ANKRD26: variants seen among roughly 807,000 people sequenced by gnomAD.
The protein encoded by ANKRD26 is ankyrin repeat domain-containing protein 26.
A neutral mutation model predicts 208.7 loss-of-function variants in ANKRD26; 141 were observed. The observed-to-expected ratio is 0.68, with a 90% confidence interval of 0.59 to 0.78. The LOEUF is 0.78. ANKRD26 is among the 30% of genes least tolerant of loss of function. The pLI, the probability that ANKRD26 is intolerant of heterozygous loss-of-function variation, is 0.00. For synonymous variants in ANKRD26, 636 were observed against 660.4 expected, an observed-to-expected ratio of 0.96 and a Z score of 0.57; for missense variants, 1,889 against 1,938.7, an observed-to-expected ratio of 0.97 and a Z score of 0.48.
At chr10:27,072,604 C>T in intron 9 of ANKRD26, among the ~76,000 whole-genome samples, 1 of 152,184 alleles carries the variant, frequency 6.6e-6, no homozygotes, top group East Asian at 1.9e-4. Flanking sequence ...GCAATCAAAT[C>T]CCACCACTAC....
chr10:27,045,515 T>A (rs2135308178), intron 18 of ANKRD26, among the ~76,000 whole-genome samples: 1 of 152,254 alleles, frequency 6.6e-6, no homozygotes, highest in East Asian at 1.9e-4. Flanking sequence ...TAGAACTTTA[T>A]AATCTAAAAG....
At chr10:26,992,304 G>T (rs1040692063) in intron 5 of ANKRD26, among the ~76,000 whole-genome samples, 3 of 151,920 alleles carry the variant, frequency 2.0e-5, no homozygotes, top group Admixed American at 6.6e-5. Flanking sequence ...GAATTTTAGA[G>T]GTAAATAAGT....
At chr10:26,998,776 G>A (rs2052653195) in intron 4 of ANKRD26, among the ~76,000 whole-genome samples, 3 of 152,164 alleles carry the variant, frequency 2.0e-5, no homozygotes, top group Non-Finnish European at 2.9e-5. Flanking sequence ...GGGTGCCATT[G>A]GGGCTGTCAG....
chr10:27,067,245 A>C lies in ANKRD26; in HGVS notation c.1119T>G (p.Gly373=). The change falls in exon 10 of 34, where the codon GGT becomes GGG. Residue 373 remains glycine, a synonymous_variant. Coordinates refer to ENST00000376087, the MANE Select transcript of ANKRD26 (RefSeq NM_014915.3). The part of the protein sequence containing the change: ...TKPGIAKKEN[G]IDIIESAPLE... ...GTGGAGCACTTTCAATAATATCAAT[A>C]CCATTTTCTTTTTTTGCAATGCCTG... 6.2e-7 allele frequency: 1 copy of C among 1,613,878 alleles called. No individual in the cohort carries two copies. The highest frequency in any genetic ancestry group is 8.5e-7 in the Non-Finnish European group (1 of 1,179,968).
the ANKRD26 span, among the ~76,000 whole-genome samples, chr10:26,956,078 A>G: frequency 6.6e-6 from 1 of 152,220 alleles, no homozygotes; most frequent in Non-Finnish European, 1.5e-5. Context: ...TCACACTTTG[A>G]TACTTACTCA....
At chr10:26,952,108 A>G in the ANKRD26 span, among the ~76,000 whole-genome samples, 1 of 152,164 alleles carries the variant, frequency 6.6e-6, no homozygotes, top group South Asian at 2.1e-4. Context: ...CCAGGAGCCA[A>G]TGAAATTATT....
chr10:27,024,523 C>A lies in ANKRD26; in HGVS notation c.4009G>T (p.Glu1337Ter), dbSNP rs1041303008. The change falls in exon 28 of 34, where the codon GAA becomes TAA. Residue 1337 changes from glutamate to a stop codon, truncating the protein, a stop_gained. Coordinates refer to ENST00000376087, the MANE Select transcript of ANKRD26 (RefSeq NM_014915.3). LOFTEE classifies it high-confidence loss of function. The stretch of plus-strand genomic sequence containing the variant: ...TTACATTCCAGTGACTGTTTTAATT[C>A]CATAAGTTTCTTTAATTGTTCCTTT... ...DEKEQLKKLM[E>*]LKQSLECNLD... is the part of the protein sequence containing the mutation. 5 of 1,583,094 alleles carry A rather than the reference C, an allele frequency of 3.2e-6. No individual in the cohort carries two copies. Among genetic ancestry groups the A allele is most frequent in the Non-Finnish European group, 4.3e-6 (5 of 1,154,684 alleles).
At chr10:27,062,083 T>C (rs2135455429) in intron 12 of ANKRD26, 1 of 985,268 alleles carries the variant, frequency 1.0e-6, no homozygotes, top group African/African-American at 1.7e-5. Context: ...TCTTTCTTTC[T>C]TCTCTTTCCC....
In ANKRD26 at chr10:27,040,002, G is replaced by A. The variant is rs2054177078; in HGVS notation, c.2338C>T (p.Gln780Ter). 2 of 1,613,676 alleles carry A rather than the reference G, an allele frequency of 1.2e-6. No homozygotes were observed. Among genetic ancestry groups the A allele is most frequent in the Admixed American group, 1.7e-5 (1 of 60,012 alleles). ...AGTTCTCGTTCCCATTCAACTTTTTGATGCTCTAACTGTGATTTTATTTCT... is the reference window on the plus strand; with the variant it reads ...AGTTCTCGTTCCCATTCAACTTTTTAATGCTCTAACTGTGATTTTATTTCT... ...TKEIKSQLEH[Q>*]KVEWERELCS... Residue 780 changes from glutamine (Q) to a stop codon, truncating the protein, a stop_gained, in exon 21 of 34, where the codon CAA becomes TAA. Transcript: ENST00000376087. LOFTEE classifies it high-confidence loss of function.
At chr10:26,949,049 T>TG in the ANKRD26 span, among the ~76,000 whole-genome samples, 1 of 152,146 alleles carries the variant, frequency 6.6e-6, no homozygotes, top group East Asian at 1.9e-4. Context: ...TTCAGCACTT[T>TG]GGGGCATATC....
chr10:26,993,418 T>C (rs998445597), intron 5 of ANKRD26, among the ~76,000 whole-genome samples: 1 of 152,238 alleles, frequency 6.6e-6, no homozygotes, highest in African/African-American at 2.4e-5. Context: ...TGTTTCACCA[T>C]TGGCCCTTTG....
At chr10:27,025,390 T>C (rs11015457) in intron 27 of ANKRD26, among the ~76,000 whole-genome samples, 30,368 of 151,946 alleles carry the variant, frequency 0.2, 3,638 homozygotes, top group East Asian at 0.56. Flanking sequence ...AGGCTGGTCT[T>C]GATTCCTAGT....
At chr10:26,960,299 C>T in the ANKRD26 span, among the ~76,000 whole-genome samples, 275 of 152,350 alleles carry the variant, frequency 1.8e-3, 12 homozygotes, top group South Asian at 0.055. Flanking sequence ...TTTGCCTTGG[C>T]TTCTTGGGGC....
In ANKRD26 at chr10:27,035,373, G is replaced by C; in HGVS notation, c.3077C>G (p.Ser1026Ter). ...GAAAGCAAGTTCTAGTTCTCTTTTT[G>C]ATGTCTCACTTTGATCACGATCATG... ...AIHDRDQSET[S>*]KRELELAFQR... Residue 1026 changes from serine to a stop codon, truncating the protein, a stop_gained, in exon 24 of 34, where the codon TCA becomes TGA. Transcript: ENST00000376087. LOFTEE classifies it high-confidence loss of function. 2 of 1,613,852 alleles carry C rather than the reference G, an allele frequency of 1.2e-6. No homozygotes were observed. The highest frequency in any genetic ancestry group is 1.7e-6 in the Non-Finnish European group (2 of 1,179,934).
the ANKRD26 span, among the ~76,000 whole-genome samples, chr10:26,954,856 T>A: frequency 1.3e-5 from 2 of 151,738 alleles, no homozygotes; most frequent in Admixed American, 6.6e-5. Context: ...ATGGACTTTA[T>A]GAAACATAGT....
At chr10:27,051,364 T>C (rs1414667281) in intron 16 of ANKRD26, 4 of 1,246,600 alleles carry the variant, frequency 3.2e-6, no homozygotes, top group African/African-American at 1.6e-5. Flanking sequence ...ATATGATTCA[T>C]TTCTTTGGAG....
chr10:27,037,067 A>G, intron 23 of ANKRD26, 119 bp downstream of exon 23: 1 of 1,027,978 alleles, frequency 9.7e-7, no homozygotes, highest in South Asian at 1.6e-5. Context: ...AGATACACAT[A>G]TATGGTTTAA....
chr10:27,014,404 T>C, intron 31 of ANKRD26, 90 bp downstream of exon 31: 1 of 1,014,850 alleles, frequency 9.9e-7, no homozygotes, highest in Non-Finnish European at 1.5e-6. Flanking sequence ...TAGCTTTCAC[T>C]TCCCATTAAT....
rs757678808 is a variant in ANKRD26 at position 27,061,139 on chromosome 10, CA to C, written c.1462+4del. ...TTAACAAAAATACGCATTTTTTTTC[CA>C]TACCCATGTGGGCTACTGGCATGCC... On this transcript the variant is annotated splice_donor_region_variant and intron_variant, in intron 13 of 33. Coordinates refer to ENST00000376087, the MANE Select transcript of ANKRD26 (RefSeq NM_014915.3). 4.4e-6 allele frequency: 7 copies of C among 1,593,290 alleles called. No homozygotes were observed. The highest frequency in any genetic ancestry group is 6.0e-6 in the Non-Finnish European group (7 of 1,161,622).
Sources: allele counts gnomAD v4.1 joint callset (sites outside exome capture counted in the v4.1 genomes callset), GRCh38; gene constraint gnomAD v4.1.1; transcripts MANE v1.5; gene names NCBI Gene and HGNC (gene_info 2026-07-23, HGNC 2026-07-21).